Variants in MAN1C1 observed in about 807,000 individuals in gnomAD.
The protein encoded by MAN1C1 is mannosidase alpha class 1C member 1, also known as mannosyl-oligosaccharide 1,2-alpha-mannosidase IC.
A neutral mutation model predicts 71.5 loss-of-function variants in MAN1C1; 49 were observed. That is an observed-to-expected ratio of 0.69 (90% CI 0.54 to 0.87). MAN1C1 has a LOEUF of 0.87. Ranked by LOEUF, MAN1C1 falls within the 40% of genes least tolerant of loss-of-function variation. The pLI is 0.00. For synonymous variants in MAN1C1, 352 were observed against 343.7 expected, an observed-to-expected ratio of 1.02 and a Z score of -0.27; for missense variants, 743 against 835.0, an observed-to-expected ratio of 0.89 and a Z score of 1.36.
intron 2 of MAN1C1, among the ~76,000 whole-genome samples, chr1:25,721,965 A>G (rs1358097916): frequency 6.6e-6 from 1 of 152,190 alleles, no homozygotes; most frequent in Admixed American, 6.5e-5. Flanking sequence ...CTTCCTGGAA[A>G]AGTGTGCATA....
Position 25,769,482 on chromosome 1 carries a change from C to T in MAN1C1, c.1142-2175C>T, listed in dbSNP as rs865857949. On this transcript the variant is annotated intron_variant, in intron 7 of 11. Transcript: ENST00000374332. The surrounding 1 kb of genome is among the most constrained non-coding windows in gnomAD (Gnocchi z 4.8). Reference sequence around the variant, plus strand: ...CCCCTGAGAGGCAGCTGCATCTCAACACCGCGGACCCTAATGACCTGGCTC... The same window carrying T: ...CCCCTGAGAGGCAGCTGCATCTCAATACCGCGGACCCTAATGACCTGGCTC... Among the ~76,000 whole-genome samples, 10 of 152,142 alleles carry T rather than the reference C, an allele frequency of 6.6e-5. No homozygotes were observed. The highest frequency in any genetic ancestry group is 7.4e-5 in the Non-Finnish European group (5 of 68,018).
intron 2 of MAN1C1, among the ~76,000 whole-genome samples, chr1:25,708,000 A>G (rs10902649): frequency 0.15 from 23,023 of 152,168 alleles, 3,334 homozygotes; most frequent in African/African-American, 0.37. Flanking sequence ...TTTTGTTCCC[A>G]GAAAGGGGTC....
chr1:25,784,130 C>A lies in MAN1C1; in HGVS notation c.*341C>A. ...TTTGGTTTCTTGGTTTTTGTTTTTG[C>A]TTGATTTTGTCTTTTCTCTACAGTT... On this transcript the variant is annotated 3_prime_UTR_variant, in exon 12 of 12. Transcript: ENST00000374332. 4.7e-6 allele frequency: 1 copy of A among 212,122 alleles called. No individual in the cohort carries two copies. 13.1% of individuals were successfully genotyped at this position (212,122 alleles called of 1,614,324 possible).
At chr1:25,708,470 A>C (rs2046555955) in intron 2 of MAN1C1, among the ~76,000 whole-genome samples, 1 of 152,160 alleles carries the variant, frequency 6.6e-6, no homozygotes, top group Non-Finnish European at 1.5e-5. Flanking sequence ...TTTATCAGCA[A>C]GGTCTTTGTG....
chr1:25,642,916 G>C (rs1557745309), intron 1 of MAN1C1, among the ~76,000 whole-genome samples: 1 of 152,218 alleles, frequency 6.6e-6, no homozygotes. Flanking sequence ...TTGTATATTG[G>C]TTTTCATTTA....
intron 1 of MAN1C1, among the ~76,000 whole-genome samples, chr1:25,653,631 A>C (rs2045723394): frequency 6.6e-6 from 1 of 152,142 alleles, no homozygotes; most frequent in South Asian, 2.1e-4. Context: ...GGGTCACATC[A>C]CAGAGGCCGT....
chr1:25,698,346 G>A (rs572481912), intron 2 of MAN1C1, among the ~76,000 whole-genome samples: 67 of 152,282 alleles, frequency 4.4e-4, no homozygotes, highest in Admixed American at 5.2e-4. Context: ...CAGGGATCAC[G>A]TTTCCTTTCT....
chr1:25,702,605 G>C (rs533316561), intron 2 of MAN1C1, among the ~76,000 whole-genome samples: 1 of 152,316 alleles, frequency 6.6e-6, no homozygotes, highest in South Asian at 2.1e-4. Flanking sequence ...GCACCAGGGG[G>C]CCTGGTTCAC....
intron 2 of MAN1C1, among the ~76,000 whole-genome samples, chr1:25,716,191 C>T (rs187848668): frequency 1.7e-3 from 266 of 152,300 alleles, no homozygotes; most frequent in African/African-American, 6.0e-3. Context: ...TTTTTATTCC[C>T]ATGGCCATGT....
intron 1 of MAN1C1, among the ~76,000 whole-genome samples, chr1:25,669,734 C>A (rs1339195453): frequency 6.6e-6 from 1 of 152,184 alleles, no homozygotes; most frequent in Admixed American, 6.5e-5. Flanking sequence ...GAGCTACTAT[C>A]ATACCACTGT....
intron 1 of MAN1C1, among the ~76,000 whole-genome samples, chr1:25,638,784 A>G (rs1049308293): frequency 6.6e-6 from 1 of 151,992 alleles, no homozygotes; most frequent in African/African-American, 2.4e-5. Context: ...TTCCCTTTGG[A>G]TGCTATAAGA....
intron 1 of MAN1C1, chr1:25,644,509 TATATA>T (rs2045583624): frequency 1.0e-4 from 10 of 97,876 alleles, no homozygotes; most frequent in African/African-American, 6.6e-4. Flanking sequence ...TATATATATA[TATATA>T]TATATTTTTT....
At chr1:25,781,472 AGCTGG>A (rs1313134042) in intron 10 of MAN1C1, among the ~76,000 whole-genome samples, 1 of 152,118 alleles carries the variant, frequency 6.6e-6, no homozygotes, top group Non-Finnish European at 1.5e-5. Flanking sequence ...CTGATCTCGA[AGCTGG>A]GCAGCTCACC....
At position 25,778,104 on chromosome 1, in the gene MAN1C1, G is replaced by C. The variant is rs2047642628; in HGVS notation, c.1258-1G>C. On this transcript the variant is annotated splice_acceptor_variant, in intron 8 of 11. Coordinates refer to ENST00000374332, the MANE Select transcript of MAN1C1 (RefSeq NM_020379.4). LOFTEE classifies it high-confidence loss of function. The surrounding 1 kb of genome is among the most constrained non-coding windows in gnomAD (Gnocchi z 5.5). ...CTGCCCAATCCCCACCTTGCTCCCA[G>C]GCGATAGAGACCTACTTGCTGAATG... 2 of 1,547,402 alleles carry C rather than the reference G, an allele frequency of 1.3e-6. No homozygotes were observed. Among genetic ancestry groups the C allele is most frequent in the African/African-American group, 1.4e-5 (1 of 72,982 alleles).
chr1:25,668,775 GTCTCCA>G (rs919145006), intron 1 of MAN1C1, among the ~76,000 whole-genome samples: 1 of 151,944 alleles, frequency 6.6e-6, no homozygotes, highest in Non-Finnish European at 1.5e-5. Context: ...AGCCAGGATG[GTCTCCA>G]TCTCCTGACC....
At chr1:25,658,471 A>G (rs564690820) in intron 1 of MAN1C1, among the ~76,000 whole-genome samples, 8 of 152,094 alleles carry the variant, frequency 5.3e-5, no homozygotes, top group African/African-American at 1.9e-4. Flanking sequence ...TTTTTTTTTA[A>G]ACGCGGTCTG....
At chr1:25,702,965 C>G (rs533897026) in intron 2 of MAN1C1, among the ~76,000 whole-genome samples, 30 of 152,358 alleles carry the variant, frequency 2.0e-4, no homozygotes, top group African/African-American at 5.5e-4. Flanking sequence ...TTGTGCTGCT[C>G]TTCGCCAGGA....
intron 2 of MAN1C1, among the ~76,000 whole-genome samples, chr1:25,708,143 G>C (rs1019424876): frequency 6.6e-6 from 1 of 152,248 alleles, no homozygotes; most frequent in African/African-American, 2.4e-5. Context: ...CAGAACAGCA[G>C]CCTGGGCTGC....
In MAN1C1 at chr1:25,778,433, C is replaced by A; in HGVS notation, c.1477+109C>A. ...AGGGAGCACATGGCCTTAGGGAAGC[C>A]TCCCCTTGGAAGTTAAGTAGAATTT... On this transcript the variant is annotated intron_variant, in intron 9 of 11. Transcript: ENST00000374332. The surrounding 1 kb of genome is among the most constrained non-coding windows in gnomAD (Gnocchi z 5.5). 1 of 1,112,646 alleles carries A rather than the reference C, an allele frequency of 9.0e-7. No individual in the cohort carries two copies. The allele number at this position is 1,112,646 out of a possible 1,614,324, so 68.9% of individuals were successfully genotyped here. A position where few individuals can be genotyped will look rare whatever the true frequency, so the allele number is the denominator to read the frequency against.
Sources: allele counts gnomAD v4.1 joint callset (sites outside exome capture counted in the v4.1 genomes callset), GRCh38; gene constraint gnomAD v4.1.1; non-coding constraint Gnocchi (gnomAD v3.1); transcripts MANE v1.5; gene names NCBI Gene and HGNC (gene_info 2026-07-23, HGNC 2026-07-21).